The following WDHD1 variants were observed in gnomAD, a reference collection of about 807,000 sequenced individuals.
WDHD1 encodes WD repeat and HMG-box DNA binding protein 1.
WDHD1 carries 111 observed loss-of-function variants against 135.4 expected under a neutral mutation model. The observed-to-expected ratio is 0.82, with a 90% confidence interval of 0.70 to 0.96. The LOEUF (loss-of-function observed/expected upper bound fraction) is 0.96, where lower values mean the gene tolerates loss of function less well. Among genes scored for constraint, WDHD1 ranks in the 40% least tolerant of loss-of-function variants. The pLI is 0.00. For synonymous variants in WDHD1, 434 were observed against 439.0 expected (o/e 0.99, Z 0.14); for missense variants, 1,351 against 1,336.3 (o/e 1.01, Z -0.17).
rs1411095240 is a variant in WDHD1 at position 54,940,490 on chromosome 14, A to G, written c.*1000T>C. On this transcript the variant is annotated 3_prime_UTR_variant, in exon 26 of 26. Coordinates refer to ENST00000360586, the MANE Select transcript of WDHD1 (RefSeq NM_007086.4). ...CCTCAATTTTGAGTCAGCTGATTTT[A>G]TGTGATTGTTTCCTTCCCTCCCACC... 1 of 152,076 alleles carries G rather than the reference A, an allele frequency of 6.6e-6. No individual in the cohort carries two copies. Among genetic ancestry groups the G allele is most frequent in the Non-Finnish European group, 1.5e-5 (1 of 68,000 alleles). The allele number at this position is 152,076 out of a possible 1,614,324, so 9.4% of individuals were successfully genotyped here. A position where few individuals can be genotyped will look rare whatever the true frequency, so the allele number is the denominator to read the frequency against.
intron 13 of WDHD1, among the ~76,000 whole-genome samples, chr14:54,988,430 T>C (rs888227565): frequency 1.3e-5 from 2 of 152,146 alleles, no homozygotes; most frequent in Non-Finnish European, 2.9e-5. Context: ...CAAAGGGATA[T>C]AAGAAAACAT....
At chr14:55,022,428 T>A (rs1046464232) in intron 2 of WDHD1, among the ~76,000 whole-genome samples, 1 of 152,032 alleles carries the variant, frequency 6.6e-6, no homozygotes, top group African/African-American at 2.4e-5. Flanking sequence ...ATGTTCTTTG[T>A]GGCATTTTTC....
At chr14:55,026,594 G>C in intron 2 of WDHD1, 117 bp downstream of exon 2, 1 of 1,010,530 alleles carries the variant, frequency 9.9e-7, no homozygotes, top group Non-Finnish European at 1.5e-6. Flanking sequence ...TGCCATTTTA[G>C]ATTTCAACAT....
At position 54,966,480 on chromosome 14, in the gene WDHD1, G is replaced by C; in HGVS notation, c.2305C>G (p.Leu769Val). The C allele has an allele frequency of 1.3e-6, 2 of 1,597,334 alleles. No homozygotes were observed. Among genetic ancestry groups the C allele is most frequent in the Non-Finnish European group, 1.7e-6 (2 of 1,176,410 alleles). The change falls in exon 18 of 26, where the codon CTT becomes GTT. Residue 769 changes from leucine to valine, a missense_variant. By Grantham distance (32) the Leu-to-Val change is conservative (BLOSUM62 1). Transcript: ENST00000360586. ...AGTATATTTATTTTACTCACCGCAA[G>C]CATTTTCATTAAAAGTTCCTGTTGC... Reference protein sequence around the residue: ...KEQQELLMKMLALSCKLEREF... With the variant: ...KEQQELLMKMVALSCKLEREF...
intron 24 of WDHD1, among the ~76,000 whole-genome samples, chr14:54,950,585 A>C (rs1191623748): frequency 5.3e-5 from 8 of 152,206 alleles, no homozygotes; most frequent in Admixed American, 5.2e-4. Context: ...CATTAGACAG[A>C]TCAACGAGAC....
chr14:54,984,813 G>A lies in WDHD1; in HGVS notation c.1816C>T (p.Leu606=). Residue 606 remains leucine (L), a synonymous_variant, in exon 15 of 26, where the codon CTG becomes TTG. Transcript: ENST00000360586. The stretch of plus-strand genomic sequence containing the variant: ...AAAATTTGTTTTTTCTTTTTCCCCA[G>A]CTCTAGCAGTTGAACTCCAAGGCAC... ...DQCLGVQLLE[L]GKKKKQILHG... The A allele has an allele frequency of 1.9e-6, 3 of 1,613,698 alleles. No homozygotes were observed. The highest frequency in any genetic ancestry group is 2.5e-6 in the Non-Finnish European group (3 of 1,179,886).
At position 54,950,363 on chromosome 14, in the gene WDHD1, A is replaced by T. The variant is rs568664280; in HGVS notation, c.3050+5198T>A. ...GCAATCCTAGTCTCTGATAAAACAG[A>T]CTTTAAACCAACAAAGATCAAAAGA... On this transcript the variant is annotated intron_variant, in intron 24 of 25. Coordinates refer to ENST00000360586, the MANE Select transcript of WDHD1 (RefSeq NM_007086.4). 4.7e-4 allele frequency among the ~76,000 whole-genome samples: 72 copies of T among 152,220 alleles called. 1 individual carries two copies. The highest frequency in any genetic ancestry group is 1.7e-3 in the African/African-American group (69 of 41,518).
chr14:54,983,590 T>C (rs2041652022), intron 15 of WDHD1, among the ~76,000 whole-genome samples: 1 of 152,056 alleles, frequency 6.6e-6, no homozygotes, highest in Admixed American at 6.6e-5. Flanking sequence ...GGAGAATTGC[T>C]GGAACCCGGA....
At chr14:55,015,901 G>T (rs1594592482) in intron 2 of WDHD1, among the ~76,000 whole-genome samples, 1 of 152,120 alleles carries the variant, frequency 6.6e-6, no homozygotes, top group East Asian at 1.9e-4. Context: ...GTTCCACCAT[G>T]TTGGCCAGGC....
chr14:54,948,487 G>A (rs895828247), intron 24 of WDHD1, among the ~76,000 whole-genome samples: 7 of 151,882 alleles, frequency 4.6e-5, no homozygotes, highest in Admixed American at 3.3e-4. Context: ...ACTACAAGGC[G>A]GCAGCCTCAG....
intron 14 of WDHD1, among the ~76,000 whole-genome samples, chr14:54,986,321 T>A (rs1483413020): frequency 6.6e-6 from 1 of 152,178 alleles, no homozygotes; most frequent in Non-Finnish European, 1.5e-5. Flanking sequence ...TAGAATATAT[T>A]TCTTTTCTTC....
At chr14:54,954,553 T>G (rs1346852097) in intron 24 of WDHD1, among the ~76,000 whole-genome samples, 1 of 152,222 alleles carries the variant, frequency 6.6e-6, no homozygotes, top group Non-Finnish European at 1.5e-5. Context: ...TGCAGTACTG[T>G]CTGTACTAGC....
At chr14:54,972,997 G>A (rs891772473) in intron 16 of WDHD1, among the ~76,000 whole-genome samples, 1 of 151,964 alleles carries the variant, frequency 6.6e-6, no homozygotes, top group Non-Finnish European at 1.5e-5. Context: ...TAGTGCTCTC[G>A]CAGCTGATTT....
intron 20 of WDHD1, 57 bp from the exon 21 acceptor site, chr14:54,962,608 T>C (rs1008758578): frequency 1.3e-6 from 2 of 1,532,612 alleles, no homozygotes; most frequent in Non-Finnish European, 1.8e-6. Flanking sequence ...TCATCCTCAA[T>C]ATACAACAAC....
rs1566716895 is a variant in WDHD1 at position 54,967,494 on chromosome 14, T to A, written c.2064-100A>T. On this transcript the variant is annotated intron_variant, in intron 16 of 25. Coordinates refer to ENST00000360586, the MANE Select transcript of WDHD1 (RefSeq NM_007086.4). ...AAAAGTTAGTAACTTAGAATAGTAA[T>A]ATTATAATAGCTGCCTTAATCATAT... The A allele has an allele frequency of 1.1e-5, 8 of 705,816 alleles. No homozygotes were observed. The East Asian group carries it at 1.8e-4, about 16-fold the overall frequency. 43.7% of individuals were successfully genotyped at this position (705,816 alleles called of 1,614,324 possible). A position where few individuals can be genotyped will look rare whatever the true frequency, so the allele number is the denominator to read the frequency against.
At chr14:54,948,716 G>A (rs1288926453) in intron 24 of WDHD1, among the ~76,000 whole-genome samples, 5 of 152,176 alleles carry the variant, frequency 3.3e-5, no homozygotes, top group African/African-American at 7.2e-5. Flanking sequence ...TGACAGGTGG[G>A]TCCATGATCC....
chr14:54,956,180 C>CAGAGTGGAAAAA (rs2041156418), intron 23 of WDHD1, among the ~76,000 whole-genome samples: 2 of 152,078 alleles, frequency 1.3e-5, no homozygotes, highest in South Asian at 4.1e-4. Flanking sequence ...AAAATCAGGA[C>CAGAGTGGAAAAA]TCAGAACAAG....
At position 54,957,567 on chromosome 14, in the gene WDHD1, T is replaced by C. The variant is rs567761842; in HGVS notation, c.2745+25A>G. 187 of 1,572,278 alleles carry C rather than the reference T, an allele frequency of 1.2e-4. No homozygotes were observed. The East Asian group carries it at 4.1e-3, about 34-fold the overall frequency. On this transcript the variant is annotated intron_variant, in intron 22 of 25. Coordinates refer to ENST00000360586, the MANE Select transcript of WDHD1 (RefSeq NM_007086.4). ...TGTATACAAATGTATTTAAATAATA[T>C]AAAACATCACTTGGAAGAGTTTACC... is the stretch of plus-strand genomic sequence containing the variant.
intron 2 of WDHD1, among the ~76,000 whole-genome samples, chr14:55,021,746 T>C (rs1566747415): frequency 6.6e-6 from 1 of 152,194 alleles, no homozygotes; most frequent in Non-Finnish European, 1.5e-5. Flanking sequence ...CGCTCCCTTA[T>C]CTTTTTTGCC....
Sources: gnomAD v4.1 joint callset for allele counts (sites outside exome capture counted in the v4.1 genomes callset) on GRCh38, gnomAD v4.1.1 for gene constraint, MANE v1.5 for transcripts, NCBI Gene and HGNC (gene_info 2026-07-23, HGNC 2026-07-21) for gene names.